The following APAF1 variants were observed in gnomAD, a reference collection of about 807,000 sequenced individuals.
The protein encoded by APAF1 is apoptotic protease-activating factor 1.
APAF1 carries 91 observed loss-of-function variants against 152.4 expected under a neutral mutation model. That is an observed-to-expected ratio of 0.60 (90% CI 0.50 to 0.71). The LOEUF (loss-of-function observed/expected upper bound fraction) is 0.71. APAF1 is among the 30% of genes least tolerant of loss of function. The pLI, the probability that APAF1 is intolerant of heterozygous loss-of-function variation, is 0.00. For synonymous variants in APAF1, 484 were observed against 494.1 expected (o/e 0.98, Z 0.27); for missense variants, 1,283 against 1,472.0 (o/e 0.87, Z 2.10).
chr12:98,723,618 TG>T lies in APAF1; in HGVS notation c.3205-20del, dbSNP rs2097746228. 18 of 1,474,650 alleles carry T rather than the reference TG, an allele frequency of 1.2e-5. No homozygotes were observed. Among genetic ancestry groups the T allele is most frequent in the Non-Finnish European group, 1.6e-5 (17 of 1,074,466 alleles). 91.3% of individuals were successfully genotyped at this position (1,474,650 alleles called of 1,614,324 possible). A position where few individuals can be genotyped will look rare whatever the true frequency, so the allele number is the denominator to read the frequency against. Reference sequence around the variant, plus strand: ...GTTCTTAAAAGTGTCAACCTCCAAGTGTTTTTTTTTTTTTTTTAAGGTATGG... The same window carrying T: ...GTTCTTAAAAGTGTCAACCTCCAAGTTTTTTTTTTTTTTTTTAAGGTATGG... On this transcript the variant is annotated intron_variant, in intron 23 of 26. Coordinates refer to ENST00000551964, the MANE Select transcript of APAF1 (RefSeq NM_181861.2).
chr12:98,697,647 A>G (rs2097711309), intron 16 of APAF1, among the ~76,000 whole-genome samples: 1 of 152,194 alleles, frequency 6.6e-6, no homozygotes, highest in Non-Finnish European at 1.5e-5. Context: ...CTTGGTGAGA[A>G]CTGCCCATGT....
At chr12:98,724,417 C>G (rs2097747438) in intron 24 of APAF1, among the ~76,000 whole-genome samples, 1 of 152,194 alleles carries the variant, frequency 6.6e-6, no homozygotes, top group African/African-American at 2.4e-5. Flanking sequence ...CTTGTTGAAA[C>G]ACCTATTACC....
At position 98,686,867 on chromosome 12, in the gene APAF1, C is replaced by T. The variant is rs1243089285; in HGVS notation, c.2298C>T (p.Thr766=). 1 of 1,613,870 alleles carries T rather than the reference C, an allele frequency of 6.2e-7. No homozygotes were observed. Among genetic ancestry groups the T allele is most frequent in the Non-Finnish European group, 8.5e-7 (1 of 1,179,918 alleles). Residue 766 remains threonine (T), a synonymous_variant, in exon 16 of 27, where the codon ACC becomes ACT. Transcript: ENST00000551964. ...TGGCTAGTTGTTCAGCTGATGGAAC[C>T]TTAAAGGTATGCTTTTGTACACTAT... ...KLLASCSADG[T]LKLWDATSAN...
chr12:98,696,541 A>G (rs1244530557), intron 16 of APAF1, among the ~76,000 whole-genome samples: 2 of 152,242 alleles, frequency 1.3e-5, no homozygotes, highest in Admixed American at 6.5e-5. Context: ...TAAATAAACC[A>G]TCTCCAAACC....
chr12:98,692,164 G>T (rs985497013), intron 16 of APAF1, among the ~76,000 whole-genome samples: 1 of 152,096 alleles, frequency 6.6e-6, no homozygotes, highest in African/African-American at 2.4e-5. Flanking sequence ...CTCACTGCAA[G>T]CTCCGCCTCC....
chr12:98,688,994 A>G (rs555030077), intron 16 of APAF1, among the ~76,000 whole-genome samples: 2 of 151,380 alleles, frequency 1.3e-5, no homozygotes, highest in Non-Finnish European at 2.9e-5. Context: ...TTGTACTTTT[A>G]TTAGAGATGG....
chr12:98,707,907 A>G (rs933595912), intron 19 of APAF1, among the ~76,000 whole-genome samples: 3 of 152,126 alleles, frequency 2.0e-5, no homozygotes, highest in Non-Finnish European at 2.9e-5. Context: ...ACACAGTTAC[A>G]GTGTGTTTAG....
chr12:98,713,403 G>A (rs1484031669), intron 21 of APAF1, among the ~76,000 whole-genome samples: 1 of 152,066 alleles, frequency 6.6e-6, no homozygotes. Context: ...TTTCCATTTC[G>A]GTACTGATAA....
chr12:98,663,411 G>A (rs964027834), intron 7 of APAF1, among the ~76,000 whole-genome samples: 1 of 151,866 alleles, frequency 6.6e-6, no homozygotes, highest in South Asian at 2.1e-4. Context: ...ATAGAATCTC[G>A]CTGTGTTGCC....
rs921384110 is a variant in APAF1, at chr12:98,671,548, G to C, written c.1622G>C (p.Ser541Thr). ...HILDEKDCAVSENFQEFLSLN... is the reference protein window; with the variant it reads ...HILDEKDCAVTENFQEFLSLN... The stretch of plus-strand genomic sequence containing the variant: ...GTTTATTTGTAGGATTGTGCAGTCA[G>C]TGAGAATTTTCAGGAGTTTTTATCT... Residue 541 changes from serine (S) to threonine (T), a missense_variant, in exon 12 of 27, where the codon AGT (serine) becomes ACT (threonine). Physicochemically the swap from Ser to Thr is moderately conservative, Grantham distance 58. Transcript: ENST00000551964. The C allele has an allele frequency of 1.5e-5, 25 of 1,613,954 alleles. No individual in the cohort carries two copies. The highest frequency in any genetic ancestry group is 5.3e-5 in the African/African-American group (4 of 74,920).
chr12:98,648,980 C>T, intron 3 of APAF1, 165 bp downstream of exon 3: 5 of 793,508 alleles, frequency 6.3e-6, no homozygotes, highest in South Asian at 6.1e-5. Context: ...TTTGCATCCA[C>T]ATTAACTCTC....
chr12:98,689,457 AG>A (rs2153328297), intron 16 of APAF1, among the ~76,000 whole-genome samples: 1 of 139,262 alleles, frequency 7.2e-6, no homozygotes, highest in South Asian at 2.3e-4. Context: ...AGAGAGAGAG[AG>A]AGAGAGTGTG....
chr12:98,693,430 G>A (rs2097706464), intron 16 of APAF1, among the ~76,000 whole-genome samples: 3 of 152,116 alleles, frequency 2.0e-5, no homozygotes, highest in Admixed American at 2.0e-4. Context: ...TTAGAACAGT[G>A]TTCAGGGTTT....
At chr12:98,658,021 G>A (rs1385323167) in intron 4 of APAF1, among the ~76,000 whole-genome samples, 2 of 152,134 alleles carry the variant, frequency 1.3e-5, no homozygotes, top group African/African-American at 2.4e-5. Context: ...GTGAATACCA[G>A]TAAATAAATT....
intron 16 of APAF1, among the ~76,000 whole-genome samples, chr12:98,692,335 G>A (rs536419851): frequency 1.6e-4 from 24 of 152,082 alleles, no homozygotes; most frequent in Non-Finnish European, 2.6e-4. Context: ...CGCCTGCCTC[G>A]GCCTCCCAAA....
At chr12:98,647,867 G>A (rs943885156) in intron 1 of APAF1, among the ~76,000 whole-genome samples, 11 of 151,742 alleles carry the variant, frequency 7.2e-5, no homozygotes, top group Admixed American at 7.2e-4. Context: ...TTTAGGTTGC[G>A]TTCATCACTG....
chr12:98,699,596 G>A (rs2097713169), intron 17 of APAF1, 27 bp downstream of exon 17: 1 of 1,612,264 alleles, frequency 6.2e-7, no homozygotes, highest in South Asian at 1.1e-5. Context: ...GCCAACTTCA[G>A]TCTGATTTAA....
chr12:98,703,305 G>A (rs1028469498), intron 17 of APAF1, 66 bp from the exon 18 acceptor site: 2 of 1,551,356 alleles, frequency 1.3e-6, no homozygotes, highest in Non-Finnish European at 1.8e-6. Context: ...TGAAATGGGA[G>A]GATATTAGAA....
intron 26 of APAF1, among the ~76,000 whole-genome samples, chr12:98,728,082 A>T (rs1340358654): frequency 6.6e-6 from 1 of 152,178 alleles, no homozygotes; most frequent in Non-Finnish European, 1.5e-5. Flanking sequence ...TGCTTTCCTC[A>T]GATCTTGGGG....
Sources: allele counts gnomAD v4.1 joint callset (sites outside exome capture counted in the v4.1 genomes callset), GRCh38; gene constraint gnomAD v4.1.1; transcripts MANE v1.5; gene names NCBI Gene and HGNC (gene_info 2026-07-23, HGNC 2026-07-21).